Variants in EFCAB6 observed in about 807,000 individuals in gnomAD.
EFCAB6 encodes EF-hand calcium-binding domain-containing protein 6.
In EFCAB6, 156 loss-of-function variants were observed where a neutral mutation model predicts 169.8. The ratio of observed to expected loss-of-function variants is 0.92; its 90% CI spans 0.81 to 1.05. EFCAB6 has a LOEUF of 1.05. EFCAB6 is among the 50% of genes least tolerant of loss of function. EFCAB6 has a pLI of 0.00. For missense variants in EFCAB6, 1,800 were observed against 1,829.1 expected (o/e 0.98, Z 0.29); for synonymous variants, 698 against 676.4 (o/e 1.03, Z -0.50).
Position 43,632,236 on chromosome 22 carries a change from G to GAAACTTTGTA in EFCAB6, c.2100_2101insTACAAAGTTT (p.Pro701TyrfsTer40). On this transcript the variant is annotated frameshift_variant and splice_region_variant, in exon 19 of 32. Coordinates refer to ENST00000262726, the MANE Select transcript of EFCAB6 (RefSeq NM_022785.4). LOFTEE classifies it high-confidence loss of function. ...GTGGTTTCCGGCCCTCTCATTGGAG[G>GAAACTTTGTA]ATCTGGAACAATTACAAAGATCGGG... The GAAACTTTGTA allele has an allele frequency of 6.2e-7, 1 of 1,612,270 alleles. No homozygotes were observed. The highest frequency in any genetic ancestry group is 2.2e-5 in the East Asian group (1 of 44,812).
chr22:43,711,603 CT>C lies in EFCAB6; in HGVS notation c.902del (p.Lys301ArgfsTer22). 1 of 1,585,144 alleles carries C rather than the reference CT, an allele frequency of 6.3e-7. No homozygotes were observed. The highest frequency in any genetic ancestry group is 8.5e-7 in the Non-Finnish European group (1 of 1,172,910). On this transcript the variant is annotated frameshift_variant, in exon 10 of 32. Transcript: ENST00000262726. LOFTEE classifies it high-confidence loss of function. ...CCCCTGCACTGAGGGCCTTTTCAAC[CT>C]TTTCATAAGACTTCGAAAGCTGCAA... ...FCLQLSKSYEKVEKALSAGDP... is the reference protein window; with the variant it reads ...FCLQLSKSYEXVEKALSAGDP...
chr22:43,545,679 G>A (rs1037584897), intron 27 of EFCAB6, among the ~76,000 whole-genome samples: 8 of 152,324 alleles, frequency 5.3e-5, no homozygotes, highest in African/African-American at 1.9e-4. Context: ...AAGGCTGGGT[G>A]AGGAAAACCT....
At chr22:43,639,280 G>C (rs1233572867) in intron 17 of EFCAB6, among the ~76,000 whole-genome samples, 1 of 152,102 alleles carries the variant, frequency 6.6e-6, no homozygotes, top group Non-Finnish European at 1.5e-5. Flanking sequence ...CCTTCATCCT[G>C]AGAACTTCTT....
chr22:43,765,394 C>A lies in EFCAB6; in HGVS notation c.352-1G>T. Reference sequence around the variant, plus strand: ...CAGTACCAGAGGTGCTAAGGGGGATCTACAGTCAAGGGAGAAGAATGACAA... The same window carrying A: ...CAGTACCAGAGGTGCTAAGGGGGATATACAGTCAAGGGAGAAGAATGACAA... On this transcript the variant is annotated splice_acceptor_variant, in intron 4 of 31. Coordinates refer to ENST00000262726, the MANE Select transcript of EFCAB6 (RefSeq NM_022785.4). LOFTEE classifies it high-confidence loss of function. The A allele has an allele frequency of 6.2e-7, 1 of 1,609,342 alleles. No individual in the cohort carries two copies. The highest frequency in any genetic ancestry group is 8.5e-7 in the Non-Finnish European group (1 of 1,176,660).
At chr22:43,570,482 G>A (rs558660033) in intron 26 of EFCAB6, among the ~76,000 whole-genome samples, 1 of 152,146 alleles carries the variant, frequency 6.6e-6, no homozygotes, top group Admixed American at 6.5e-5. Context: ...TTTGCACATG[G>A]CACTTTGAAT....
intron 20 of EFCAB6, among the ~76,000 whole-genome samples, chr22:43,616,930 C>T (rs2053731483): frequency 6.6e-6 from 1 of 152,204 alleles, no homozygotes. Flanking sequence ...TCACCTGACT[C>T]CCGCTGCCCT....
chr22:43,588,310 G>T (rs1602445862), intron 24 of EFCAB6, among the ~76,000 whole-genome samples: 1 of 152,218 alleles, frequency 6.6e-6, no homozygotes, highest in Non-Finnish European at 1.5e-5. Flanking sequence ...AAGCAACACT[G>T]AGGAGAGACT....
intron 3 of EFCAB6, among the ~76,000 whole-genome samples, chr22:43,780,972 C>T (rs763106654): frequency 2.6e-5 from 4 of 152,188 alleles, no homozygotes; most frequent in South Asian, 2.1e-4. Flanking sequence ...GTGCGTCTTA[C>T]GGCATTTGGC....
At chr22:43,698,633 G>C (rs1306167555) in intron 10 of EFCAB6, among the ~76,000 whole-genome samples, 2 of 152,168 alleles carry the variant, frequency 1.3e-5, no homozygotes, top group African/African-American at 2.4e-5. Flanking sequence ...TGGCTAAGAG[G>C]AAATGTCCTG....
At chr22:43,633,696 C>T (rs1044255817) in intron 18 of EFCAB6, among the ~76,000 whole-genome samples, 1 of 152,186 alleles carries the variant, frequency 6.6e-6, no homozygotes, top group African/African-American at 2.4e-5. Flanking sequence ...GTTCTCTGCA[C>T]CTGTTGCTCC....
At chr22:43,559,193 T>TCCC (rs1270422451) in intron 26 of EFCAB6, among the ~76,000 whole-genome samples, 3 of 152,064 alleles carry the variant, frequency 2.0e-5, no homozygotes, top group African/African-American at 7.2e-5. Flanking sequence ...CATCAAAAAG[T>TCCC]GGGCAAAGGA....
rs780733915 is a variant in EFCAB6 at position 43,671,983 on chromosome 22, G to A, written c.1630C>T (p.His544Tyr). 4 of 1,613,142 alleles carry A rather than the reference G, an allele frequency of 2.5e-6. No individual in the cohort carries two copies. The highest frequency in any genetic ancestry group is 1.7e-5 in the Admixed American group (1 of 59,840). ...HVFCPFLTNA[H>Y]FIKLCSKIQD... Reference sequence around the variant, plus strand: ...TTACAAAAAACTTACTTTATGAAATGTGCATTCGTTAAAAATGGACAGAAG... The same window carrying A: ...TTACAAAAAACTTACTTTATGAAATATGCATTCGTTAAAAATGGACAGAAG... The change falls in exon 15 of 32, where the codon CAT (histidine) becomes TAT (tyrosine). Residue 544 changes from histidine (H) to tyrosine (Y), a missense_variant. Coordinates refer to ENST00000262726, the MANE Select transcript of EFCAB6 (RefSeq NM_022785.4).
rs1044124097 is a variant in EFCAB6 at position 43,744,284 on chromosome 22, G to A, written c.508-8291C>T. On this transcript the variant is annotated intron_variant, in intron 6 of 31. Coordinates refer to ENST00000262726, the MANE Select transcript of EFCAB6 (RefSeq NM_022785.4). This position sits in a 1 kb window ranked among gnomAD's most constrained non-coding sequence, Gnocchi z 4.3. The stretch of plus-strand genomic sequence containing the variant: ...TGGATGGATGAGTGGGTGGGTAGGT[G>A]GGGAGATTGCAAGCCAAGACAATCC... 2.0e-5 allele frequency among the ~76,000 whole-genome samples: 3 copies of A among 152,088 alleles called. No individual in the cohort carries two copies. The highest frequency in any genetic ancestry group is 7.2e-5 in the African/African-American group (3 of 41,422).
At position 43,772,996 on chromosome 22, in the gene EFCAB6, C is replaced by G; in HGVS notation, c.247G>C (p.Asp83His). Residue 83 changes from aspartate (D) to histidine (H), a missense_variant, in exon 4 of 32, where the codon GAT (aspartate) becomes CAT (histidine). By Grantham distance (81) the Asp-to-His change is moderately conservative. Coordinates refer to ENST00000262726, the MANE Select transcript of EFCAB6 (RefSeq NM_022785.4). Reference sequence around the variant, plus strand: ...GACACAGTCAAGTTCTGACCAGTATCCAGCAGCTGAAAGGCTTTTTGCAAC... The same window carrying G: ...GACACAGTCAAGTTCTGACCAGTATGCAGCAGCTGAAAGGCTTTTTGCAAC... ...DELQKAFQLLDTGQNLTVSKS... is the reference protein window; with the variant it reads ...DELQKAFQLLHTGQNLTVSKS... 1.2e-6 allele frequency: 2 copies of G among 1,614,220 alleles called. No homozygotes were observed. Among genetic ancestry groups the G allele is most frequent in the South Asian group, 1.1e-5 (1 of 91,084 alleles).
chr22:43,687,267 A>T (rs2058232331), intron 11 of EFCAB6, among the ~76,000 whole-genome samples: 1 of 152,204 alleles, frequency 6.6e-6, no homozygotes, highest in Non-Finnish European at 1.5e-5. Context: ...TTGACATAAC[A>T]ATTATACCAA....
At chr22:43,583,686 G>A (rs1467384086) in intron 24 of EFCAB6, among the ~76,000 whole-genome samples, 4 of 152,070 alleles carry the variant, frequency 2.6e-5, no homozygotes, top group Non-Finnish European at 1.5e-5. Flanking sequence ...TCATAAAGGA[G>A]GCCCCAGAGA....
At chr22:43,626,352 C>G in intron 20 of EFCAB6, 95 bp downstream of exon 20, 1 of 1,204,180 alleles carries the variant, frequency 8.3e-7, no homozygotes. Context: ...TCACTCCATT[C>G]TTTGTATCCC....
chr22:43,544,147 T>A (rs4823096), intron 27 of EFCAB6, among the ~76,000 whole-genome samples: 39,221 of 151,548 alleles, frequency 0.26, 5,253 homozygotes, highest in South Asian at 0.35. Context: ...CGCCCACAAC[T>A]CTTCCCCAGT....
intron 7 of EFCAB6, among the ~76,000 whole-genome samples, chr22:43,735,071 G>A (rs1028739260): frequency 5.9e-5 from 9 of 152,184 alleles, no homozygotes; most frequent in African/African-American, 2.2e-4. Flanking sequence ...GGACCTCTCG[G>A]CTGGGTACTG....
Sources: allele counts gnomAD v4.1 joint callset (sites outside exome capture counted in the v4.1 genomes callset), GRCh38; gene constraint gnomAD v4.1.1; non-coding constraint Gnocchi (gnomAD v3.1); transcripts MANE v1.5; gene names NCBI Gene and HGNC (gene_info 2026-07-23, HGNC 2026-07-21).